Variants in MRGPRX2 observed in about 807,000 individuals in gnomAD.
MRGPRX2 encodes the protein MAS related GPR family member X2.
For missense variants in MRGPRX2, 389 were observed against 404.5 expected, an observed-to-expected ratio of 0.96 and a Z score of 0.33; for synonymous variants, 183 against 175.6, an observed-to-expected ratio of 1.04 and a Z score of -0.33.
intron 1 of MRGPRX2, 126 bp from the exon 2 acceptor site, chr11:19,056,553 C>T: frequency 2.1e-6 from 2 of 963,362 alleles, no homozygotes; most frequent in Non-Finnish European, 3.1e-6. Context: ...GAGATTAAGT[C>T]ATTTATTAAG....
At chr11:19,057,332 G>C (rs777034475) in intron 1 of MRGPRX2, among the ~76,000 whole-genome samples, 34 of 152,300 alleles carry the variant, frequency 2.2e-4, no homozygotes, top group Non-Finnish European at 4.3e-4. Context: ...TTCAATCCAG[G>C]AAGGGCTAGT....
intron 1 of MRGPRX2, among the ~76,000 whole-genome samples, chr11:19,058,673 G>T (rs143442900): frequency 0.019 from 2,820 of 151,940 alleles, 121 homozygotes; most frequent in East Asian, 0.18. Flanking sequence ...TGATCTGCCC[G>T]CCTCGGCCTC....
At chr11:19,059,278 C>G (rs1232710032) in intron 1 of MRGPRX2, among the ~76,000 whole-genome samples, 1 of 152,092 alleles carries the variant, frequency 6.6e-6, no homozygotes, top group Non-Finnish European at 1.5e-5. Flanking sequence ...GGCTGGAATG[C>G]TGATGTGTTT....
rs765974200 is a variant in MRGPRX2, at chr11:19,055,871, C to A, written c.532G>T (p.Gly178Cys). The change falls in exon 2 of 2, where the codon GGT (glycine) becomes TGT (cysteine). Residue 178 changes from glycine (G) to cysteine (C), a missense_variant. Gly to Cys is a radical substitution (Grantham distance 159, BLOSUM62 -3). Coordinates refer to ENST00000329773, the MANE Select transcript of MRGPRX2 (RefSeq NM_054030.4). ...ATGAAATCAAATGTCTGACACCAAC[C>A]AGAGTCACCATCACTAAATAAGAAG... ...CGFLFSDGDS[G>C]WCQTFDFITA... 4 of 1,614,132 alleles carry A rather than the reference C, an allele frequency of 2.5e-6. No homozygotes were observed. The highest frequency in any genetic ancestry group is 3.4e-6 in the Non-Finnish European group (4 of 1,180,028).
At chr11:19,059,499 C>A (rs1393914353) in intron 1 of MRGPRX2, among the ~76,000 whole-genome samples, 2 of 152,042 alleles carry the variant, frequency 1.3e-5, no homozygotes, top group Admixed American at 1.3e-4. Context: ...CTGGGAGTAC[C>A]TATGTACTCC....
chr11:19,055,728 G>A lies in MRGPRX2; in HGVS notation c.675C>T (p.Ile225=), dbSNP rs374978669. The change falls in exon 2 of 2, where the codon ATC becomes ATT. Residue 225 remains isoleucine (I), a synonymous_variant. Transcript: ENST00000329773. ...GGAGGAACACCAGCACTGTGAGCAG[G>A]ATGGTCAGGTACAGCCTGGTCAGTG... ...GLPLTRLYLT[I]LLTVLVFLLC... 6 of 1,614,058 alleles carry A rather than the reference G, an allele frequency of 3.7e-6. No individual in the cohort carries two copies. In the Admixed American group the frequency reaches 6.7e-5, roughly 18 times the overall value.
chr11:19,055,775 G>A lies in MRGPRX2; in HGVS notation c.628C>T (p.Leu210Phe), dbSNP rs758360178. The A allele has an allele frequency of 4.3e-6, 7 of 1,614,176 alleles. No individual in the cohort carries two copies. Among genetic ancestry groups the A allele is most frequent in the Non-Finnish European group, 5.9e-6 (7 of 1,180,034 alleles). Residue 210 changes from leucine to phenylalanine, a missense_variant, in exon 2 of 2, where the codon CTC (leucine) becomes TTC (phenylalanine). By Grantham distance (22) the Leu-to-Phe change is conservative. Coordinates refer to ENST00000329773, the MANE Select transcript of MRGPRX2 (RefSeq NM_054030.4). ...AGTGGCAGACCCCTGGAGCCACAGA[G>A]GATCCTGACCAGCAGGGCCAGACTG... ...GSSLALLVRILCGSRGLPLTR... is the reference protein window; with the variant it reads ...GSSLALLVRIFCGSRGLPLTR...
At chr11:19,056,862 A>G (rs755797765) in intron 1 of MRGPRX2, among the ~76,000 whole-genome samples, 11 of 152,114 alleles carry the variant, frequency 7.2e-5, no homozygotes, top group Non-Finnish European at 1.2e-4. Context: ...ACCCTTAATG[A>G]CTGAGAGGAG....
At chr11:19,057,200 A>AC (rs1214981222) in intron 1 of MRGPRX2, among the ~76,000 whole-genome samples, 1 of 152,196 alleles carries the variant, frequency 6.6e-6, no homozygotes, top group East Asian at 1.9e-4. Flanking sequence ...GTCACTAAAA[A>AC]ACACACATGT....
At chr11:19,056,776 C>A (rs564775001) in intron 1 of MRGPRX2, among the ~76,000 whole-genome samples, 1 of 152,246 alleles carries the variant, frequency 6.6e-6, no homozygotes, top group South Asian at 2.1e-4. Context: ...ACTCTGAGTT[C>A]AGGATTCTTT....
At chr11:19,059,642 T>G (rs141470795) in intron 1 of MRGPRX2, among the ~76,000 whole-genome samples, 1,557 of 152,042 alleles carry the variant, frequency 0.01, 9 homozygotes, top group Non-Finnish European at 0.015. Flanking sequence ...AATGAGAAAT[T>G]GATTCAATCA....
In MRGPRX2 at chr11:19,055,708, A is replaced by G; in HGVS notation, c.695T>C (p.Phe232Ser). ...GCCAAAGGGCAGGCCGCAGAGGAGG[A>G]ACACCAGCACTGTGAGCAGGATGGT... ...YLTILLTVLV[F>S]LLCGLPFGIQ... The change falls in exon 2 of 2, where the codon TTC becomes TCC. Residue 232 changes from phenylalanine (F) to serine (S), a missense_variant. Coordinates refer to ENST00000329773, the MANE Select transcript of MRGPRX2 (RefSeq NM_054030.4). 6.2e-7 allele frequency: 1 copy of G among 1,614,234 alleles called. No homozygotes were observed. The highest frequency in any genetic ancestry group is 1.7e-5 in the Admixed American group (1 of 60,026).
chr11:19,058,459 CA>C (rs1431080680), intron 1 of MRGPRX2, among the ~76,000 whole-genome samples: 2 of 149,794 alleles, frequency 1.3e-5, no homozygotes, highest in East Asian at 3.9e-4. Flanking sequence ...CTCGCTCTGT[CA>C]CCCAGGCTGG....
rs201636337 is a variant in MRGPRX2, at chr11:19,055,400, C to T, written c.*10G>A. On this transcript the variant is annotated 3_prime_UTR_variant, in exon 2 of 2. Coordinates refer to ENST00000329773, the MANE Select transcript of MRGPRX2 (RefSeq NM_054030.4). ...CACATATATCTGATGGAAGTAGAGG[C>T]TGTCCATCTCTACACCAGACTGCTT... 172 of 1,590,188 alleles carry T rather than the reference C, an allele frequency of 1.1e-4. No homozygotes were observed. Among genetic ancestry groups the T allele is most frequent in the Non-Finnish European group, 1.4e-4 (163 of 1,163,204 alleles).
chr11:19,059,004 A>G (rs1206496605), intron 1 of MRGPRX2, among the ~76,000 whole-genome samples: 1 of 152,120 alleles, frequency 6.6e-6, no homozygotes, highest in African/African-American at 2.4e-5. Flanking sequence ...ATCATTCACT[A>G]TTTGTGAGGC....
In MRGPRX2 at chr11:19,056,404, C is replaced by A. The variant is rs1849620945; in HGVS notation, c.-2G>T. 6.2e-7 allele frequency: 1 copy of A among 1,603,550 alleles called. No homozygotes were observed. Among genetic ancestry groups the A allele is most frequent in the Admixed American group, 1.7e-5 (1 of 59,340 alleles). ...CCAGGCCGGGGTGGTTGGATCCATGCTCAGAAAACCTCCACTGGTGCCCCT... is the reference window on the plus strand; with the variant it reads ...CCAGGCCGGGGTGGTTGGATCCATGATCAGAAAACCTCCACTGGTGCCCCT... On this transcript the variant is annotated 5_prime_UTR_variant, in exon 2 of 2. Transcript: ENST00000329773.
rs1005853504 is a variant in MRGPRX2, at chr11:19,056,389, G to A, written c.14C>T (p.Thr5Ile). 2.5e-6 allele frequency: 4 copies of A among 1,610,946 alleles called. No individual in the cohort carries two copies. In the African/African-American group the frequency reaches 4.0e-5, roughly 16 times the overall value. ...TGTACTTTCTGTTCCCCAGGCCGGG[G>A]TGGTTGGATCCATGCTCAGAAAACC... MDPT[T>I]PAWGTESTTV... Residue 5 changes from threonine (T) to isoleucine (I), a missense_variant, in exon 2 of 2, where the codon ACC (threonine) becomes ATC (isoleucine). Transcript: ENST00000329773.
Position 19,055,061 on chromosome 11 carries a change from T to G in MRGPRX2, c.*349A>C. On this transcript the variant is annotated 3_prime_UTR_variant, in exon 2 of 2. Transcript: ENST00000329773. ...AAGAGAAAAAGAAATTAATTAAAAATATAACATTCTTTGAGTCCCTATCAA... is the reference window on the plus strand; with the variant it reads ...AAGAGAAAAAGAAATTAATTAAAAAGATAACATTCTTTGAGTCCCTATCAA... 1 of 180,250 alleles carries G rather than the reference T, an allele frequency of 5.5e-6. No homozygotes were observed. The highest frequency in any genetic ancestry group is 1.2e-5 in the Non-Finnish European group (1 of 86,642). The allele number at this position is 180,250 out of a possible 1,614,324, so 11.2% of individuals were successfully genotyped here. A position where few individuals can be genotyped will look rare whatever the true frequency, so the allele number is the denominator to read the frequency against.
In MRGPRX2 at chr11:19,056,092, A is replaced by C. The variant is rs754147216; in HGVS notation, c.311T>G (p.Phe104Cys). 2 of 1,614,196 alleles carry C rather than the reference A, an allele frequency of 1.2e-6. No individual in the cohort carries two copies. Among genetic ancestry groups the C allele is most frequent in the Non-Finnish European group, 1.7e-6 (2 of 1,180,024 alleles). The change falls in exon 2 of 2, where the codon TTC becomes TGC. Residue 104 changes from phenylalanine to cysteine, a missense_variant. By Grantham distance (205) the Phe-to-Cys change is radical. Coordinates refer to ENST00000329773, the MANE Select transcript of MRGPRX2 (RefSeq NM_054030.4). ...GGCACAGGTCATCACAGTGGTGAAG[A>C]AGCTAGGGAAATTGATGGAGATGGA... ...FCSISINFPS[F>C]FTTVMTCAYL...
Sources: allele counts gnomAD v4.1 joint callset (sites outside exome capture counted in the v4.1 genomes callset), GRCh38; gene constraint gnomAD v4.1.1; transcripts MANE v1.5; gene names NCBI Gene and HGNC (gene_info 2026-07-23, HGNC 2026-07-21).